The following CNTNAP5 variants were observed in gnomAD, a reference collection of about 807,000 sequenced individuals.
CNTNAP5 encodes the protein contactin-associated protein-like 5.
A neutral mutation model predicts 150.2 loss-of-function variants in CNTNAP5; 72 were observed. The observed-to-expected ratio is 0.48, with a 90% CI of 0.40 to 0.58. CNTNAP5 has a LOEUF of 0.58. Among genes scored for constraint, CNTNAP5 ranks in the 20% least tolerant of loss-of-function variants. The pLI is 0.00. For synonymous variants in CNTNAP5, 672 were observed against 619.8 expected, an observed-to-expected ratio of 1.08 and a Z score of -1.25; for missense variants, 1,636 against 1,626.2, an observed-to-expected ratio of 1.01 and a Z score of -0.10.
At chr2:124,717,212 G>C (rs1225576112) in intron 13 of CNTNAP5, among the ~76,000 whole-genome samples, 3 of 152,188 alleles carry the variant, frequency 2.0e-5, no homozygotes, top group Admixed American at 2.0e-4. Context: ...GGTGACGGAG[G>C]AGCAGGGGAG....
At chr2:124,792,839 T>C (rs1681763328) in intron 18 of CNTNAP5, among the ~76,000 whole-genome samples, 1 of 152,234 alleles carries the variant, frequency 6.6e-6, no homozygotes, top group Admixed American at 6.5e-5. Flanking sequence ...AGTTCATCCA[T>C]GTTATAACAT....
chr2:124,756,707 G>A (rs755570343), intron 14 of CNTNAP5, among the ~76,000 whole-genome samples: 4 of 152,008 alleles, frequency 2.6e-5, no homozygotes, highest in African/African-American at 4.8e-5. Flanking sequence ...AGTGGGGGTC[G>A]ACTGATGAGA....
rs57896748 is a variant in CNTNAP5 at position 124,305,111 on chromosome 2, C to CAAAAA, written c.381+62735_381+62739dup. On this transcript the variant is annotated intron_variant, in intron 3 of 23. Coordinates refer to ENST00000682447, the MANE Select transcript of CNTNAP5 (RefSeq NM_001367498.1). The stretch of plus-strand genomic sequence containing the variant: ...TGAAACTCCATCTGTACAAAAAATA[C>CAAAAA]AAAAAAAAAAAAAAAAAAAAAGTGG... 4.5e-3 allele frequency among the ~76,000 whole-genome samples: 390 copies of CAAAAA among 86,316 alleles called. 10 individuals are homozygous for CAAAAA. Among genetic ancestry groups the CAAAAA allele is most frequent in the East Asian group, 0.028 (72 of 2,568 alleles). 56.6% of individuals were successfully genotyped at this position (86,316 alleles called of 152,430 possible).
intron 13 of CNTNAP5, among the ~76,000 whole-genome samples, chr2:124,731,413 T>G (rs769434501): frequency 4.6e-5 from 7 of 151,922 alleles, no homozygotes; most frequent in Non-Finnish European, 1.0e-4. Flanking sequence ...TAAAATACTG[T>G]AGATAGGATT....
intron 3 of CNTNAP5, among the ~76,000 whole-genome samples, chr2:124,414,564 C>T (rs1469163613): frequency 6.6e-6 from 1 of 152,124 alleles, no homozygotes; most frequent in East Asian, 1.9e-4. Flanking sequence ...TGCCTCTTCT[C>T]AGAATGAGAG....
At chr2:124,901,857 A>G (rs1678420041) in intron 21 of CNTNAP5, among the ~76,000 whole-genome samples, 1 of 152,112 alleles carries the variant, frequency 6.6e-6, no homozygotes, top group South Asian at 2.1e-4. Context: ...TTAATTTCTC[A>G]TTTTCCTCCA....
chr2:124,706,805 AG>A (rs1679658346), intron 13 of CNTNAP5, among the ~76,000 whole-genome samples: 1 of 7,348 alleles, frequency 1.4e-4, no homozygotes, highest in Non-Finnish European at 2.8e-4. Context: ...AAGGAGGAGG[AG>A]GAGGAGGAGG....
intron 21 of CNTNAP5, among the ~76,000 whole-genome samples, chr2:124,879,323 T>C (rs13407542): frequency 0.11 from 16,564 of 152,136 alleles, 2,918 homozygotes; most frequent in African/African-American, 0.37. Flanking sequence ...CACAGGCACA[T>C]GCATGCACAC....
Position 124,647,830 on chromosome 2 carries a change from A to G in CNTNAP5, c.1949A>G (p.Lys650Arg). Residue 650 changes from lysine to arginine, a missense_variant, in exon 13 of 24, where the codon AAG becomes AGG. Transcript: ENST00000682447. ...LTRVRGANPE[K>R]PYAMALDYGG... ...CGAGTGCGGGGCGCTAACCCTGAGA[A>G]GCCCTATGCCATGGCCTTGGACTAC... 1.9e-6 allele frequency: 3 copies of G among 1,613,580 alleles called. No individual in the cohort carries two copies. The highest frequency in any genetic ancestry group is 2.5e-6 in the Non-Finnish European group (3 of 1,179,726).
chr2:124,287,654 C>A (rs1170589), intron 3 of CNTNAP5, among the ~76,000 whole-genome samples: 20,918 of 152,068 alleles, frequency 0.14, 2,005 homozygotes, highest in East Asian at 0.33. Flanking sequence ...TCCAATCTAC[C>A]CCTCTTTTGA....
intron 21 of CNTNAP5, among the ~76,000 whole-genome samples, chr2:124,883,353 T>C (rs1678008330): frequency 6.6e-6 from 1 of 151,974 alleles, no homozygotes; most frequent in Admixed American, 6.6e-5. Flanking sequence ...TGAGCCACTG[T>C]GCCCAGCCTG....
rs900694729 is a variant in CNTNAP5 at position 124,484,309 on chromosome 2, G to T, written c.1062+9427G>T. Among the ~76,000 whole-genome samples the T allele has an allele frequency of 2.6e-5, 4 of 152,282 alleles. No homozygotes were observed. The East Asian group carries it at 5.8e-4, about 22-fold the overall frequency. On this transcript the variant is annotated intron_variant, in intron 7 of 23. Transcript: ENST00000682447. Reference sequence around the variant, plus strand: ...TTCCTGTTTCCCTAAGTATATAAAAGAAACACCCTTTTATGTCACTCATGG... The same window carrying T: ...TTCCTGTTTCCCTAAGTATATAAAATAAACACCCTTTTATGTCACTCATGG...
intron 1 of CNTNAP5, among the ~76,000 whole-genome samples, chr2:124,042,217 A>G (rs988917859): frequency 3.3e-5 from 5 of 152,202 alleles, no homozygotes; most frequent in African/African-American, 1.2e-4. Context: ...AGAGAGATAT[A>G]TAAAATAGAA....
rs1473665915 is a variant in CNTNAP5, at chr2:124,706,855, G to A, written c.2078-40374G>A. Among the ~76,000 whole-genome samples the A allele has an allele frequency of 1.5e-5, 2 of 132,828 alleles. 1 individual carries two copies. The highest frequency in any genetic ancestry group is 1.5e-4 in the Admixed American group (2 of 13,364). The allele number at this position is 132,828 out of a possible 152,430, so 87.1% of individuals were successfully genotyped here. ...GGAGGAGGGGGAGGAAGGAGGAGGAGGAGAAGGAGAAGGGGAAAGGGAAGA... is the reference window on the plus strand; with the variant it reads ...GGAGGAGGGGGAGGAAGGAGGAGGAAGAGAAGGAGAAGGGGAAAGGGAAGA... On this transcript the variant is annotated intron_variant, in intron 13 of 23. Transcript: ENST00000682447.
At chr2:124,123,953 G>A (rs2104719517) in intron 1 of CNTNAP5, among the ~76,000 whole-genome samples, 1 of 152,252 alleles carries the variant, frequency 6.6e-6, no homozygotes, top group South Asian at 2.1e-4. Flanking sequence ...AAGATGGAGA[G>A]AAACCAGAGA....
intron 1 of CNTNAP5, among the ~76,000 whole-genome samples, chr2:124,102,706 G>A (rs1216476414): frequency 6.6e-6 from 1 of 152,164 alleles, no homozygotes. Flanking sequence ...ATCTGCGCTT[G>A]TGAACCCACC....
chr2:124,393,344 T>C (rs1049827227), intron 3 of CNTNAP5, among the ~76,000 whole-genome samples: 2 of 152,188 alleles, frequency 1.3e-5, no homozygotes, highest in Non-Finnish European at 2.9e-5. Context: ...CCTTGGTTGC[T>C]GCTCTTCATC....
intron 3 of CNTNAP5, among the ~76,000 whole-genome samples, chr2:124,258,120 C>T (rs970108423): frequency 6.6e-6 from 1 of 152,106 alleles, no homozygotes; most frequent in African/African-American, 2.4e-5. Flanking sequence ...TAAATACCCA[C>T]AGCAATGCAG....
At chr2:124,078,984 G>A (rs1224672909) in intron 1 of CNTNAP5, among the ~76,000 whole-genome samples, 1 of 152,196 alleles carries the variant, frequency 6.6e-6, no homozygotes, top group Non-Finnish European at 1.5e-5. Context: ...CCACCTCCCT[G>A]TGTAATAATT....
Sources: gnomAD v4.1 joint callset for allele counts (sites outside exome capture counted in the v4.1 genomes callset) on GRCh38, gnomAD v4.1.1 for gene constraint, MANE v1.5 for transcripts, NCBI Gene and HGNC (gene_info 2026-07-23, HGNC 2026-07-21) for gene names.